Variants in CTNNA2 observed in about 807,000 individuals in gnomAD.
CTNNA2 encodes catenin alpha-2.
In CTNNA2, 42 loss-of-function variants were observed where a neutral mutation model predicts 101.0. The ratio of observed to expected loss-of-function variants is 0.42; its 90% CI spans 0.32 to 0.54. CTNNA2 has a LOEUF of 0.54. Ranked by LOEUF, CTNNA2 falls within the 20% of genes least tolerant of loss-of-function variation. The probability of loss-of-function intolerance (pLI) is 0.14; values close to 1 mark genes in which losing one functional copy is unlikely to be tolerated. For synonymous variants in CTNNA2, 450 were observed against 456.4 expected (o/e 0.99, Z 0.18); for missense variants, 871 against 1,223.1 (o/e 0.71, Z 4.29).
chr2:79,573,055 C>T (rs1178692094), intron 1 of CTNNA2, among the ~76,000 whole-genome samples: 3 of 152,092 alleles, frequency 2.0e-5, no homozygotes, highest in Admixed American at 6.5e-5. Flanking sequence ...TACGGCATTT[C>T]CTTGCCTTTT....
intron 18 of CTNNA2, among the ~76,000 whole-genome samples, chr2:80,638,302 G>A: frequency 6.9e-6 from 1 of 143,986 alleles, no homozygotes; most frequent in South Asian, 2.3e-4. Flanking sequence ...AGGACTGTCT[G>A]CCCAAGAATA....
chr2:80,086,372 G>T (rs1461063931), intron 7 of CTNNA2, among the ~76,000 whole-genome samples: 1 of 152,030 alleles, frequency 6.6e-6, no homozygotes, highest in East Asian at 1.9e-4. Flanking sequence ...CTGATTTAAA[G>T]TGTTGAAAAA....
At chr2:80,017,629 AT>A (rs1378947368) in intron 7 of CTNNA2, among the ~76,000 whole-genome samples, 1 of 151,942 alleles carries the variant, frequency 6.6e-6, no homozygotes, top group Non-Finnish European at 1.5e-5. Flanking sequence ...AAGGGTTGGG[AT>A]TTATAAGTCT....
chr2:80,506,625 T>A (rs1688299699), intron 9 of CTNNA2, among the ~76,000 whole-genome samples: 1 of 152,058 alleles, frequency 6.6e-6, no homozygotes, highest in Non-Finnish European at 1.5e-5. Flanking sequence ...TTCAGGTGGG[T>A]TCTTATTAGA....
At position 79,909,599 on chromosome 2, in the gene CTNNA2, G is replaced by C; in HGVS notation, c.858G>C (p.Lys286Asn). 1.2e-6 allele frequency: 2 copies of C among 1,605,822 alleles called. No individual in the cohort carries two copies. Among genetic ancestry groups the C allele is most frequent in the Non-Finnish European group, 1.7e-6 (2 of 1,173,884 alleles). The change falls in exon 7 of 19, where the codon AAG becomes AAC. Residue 286 changes from lysine to asparagine, a missense_variant. This residue lies in a region of CTNNA2 where 647 missense variants were observed against 831.5 expected (regional missense o/e 0.78). Transcript: ENST00000402739. ...LAAALNEFDNKIILDPMTFSE... is the reference protein window; with the variant it reads ...LAAALNEFDNNIILDPMTFSE... ...TGTGTGTGTGATACTTTCAGAATAA[G>C]ATTATCCTGGACCCCATGACGTTCA...
intron 2 of CTNNA2, among the ~76,000 whole-genome samples, chr2:79,278,822 GGGTAAA>G (rs1179741518): frequency 6.6e-6 from 1 of 152,084 alleles, no homozygotes; most frequent in Non-Finnish European, 1.5e-5. Context: ...GAAAAGAAGA[GGGTAAA>G]GAGGGCCAGG....
intron 7 of CTNNA2, among the ~76,000 whole-genome samples, chr2:80,236,071 CTGTT>C (rs2149083365): frequency 6.6e-6 from 1 of 152,272 alleles, no homozygotes; most frequent in East Asian, 1.9e-4. Context: ...ATTTGGTTTT[CTGTT>C]CCTGCATTAG....
chr2:80,171,008 T>A (rs1036138717), intron 7 of CTNNA2, among the ~76,000 whole-genome samples: 1 of 152,190 alleles, frequency 6.6e-6, no homozygotes, highest in African/African-American at 2.4e-5. Flanking sequence ...GCTCTCAATA[T>A]AAGTTGTTGA....
chr2:80,133,551 T>C (rs896241476), intron 7 of CTNNA2, among the ~76,000 whole-genome samples: 7 of 152,074 alleles, frequency 4.6e-5, no homozygotes, highest in African/African-American at 1.2e-4. Context: ...AATGTGCAAA[T>C]GGAAGCAAAA....
chr2:80,010,641 A>G (rs1444264871), intron 7 of CTNNA2, among the ~76,000 whole-genome samples: 3 of 152,034 alleles, frequency 2.0e-5, no homozygotes, highest in African/African-American at 4.8e-5. Flanking sequence ...ATTCCTAAAG[A>G]TTTTGAAATT....
intron 8 of CTNNA2, among the ~76,000 whole-genome samples, chr2:80,401,315 C>T (rs1176579405): frequency 6.6e-6 from 1 of 152,262 alleles, no homozygotes; most frequent in African/African-American, 2.4e-5. Context: ...ATCAACTTGC[C>T]TCCATTCTAA....
At chr2:79,987,518 A>G (rs1485082544) in intron 7 of CTNNA2, among the ~76,000 whole-genome samples, 2 of 152,220 alleles carry the variant, frequency 1.3e-5, no homozygotes, top group Non-Finnish European at 1.5e-5. Context: ...AGCTCATAAC[A>G]TGGCTGTGAG....
At chr2:79,646,108 C>T (rs1680794877) in intron 1 of CTNNA2, among the ~76,000 whole-genome samples, 1 of 152,118 alleles carries the variant, frequency 6.6e-6, no homozygotes. Flanking sequence ...TGCTATAGAA[C>T]AGTAGAAAGA....
intron 2 of CTNNA2, among the ~76,000 whole-genome samples, chr2:79,294,768 T>C (rs1675934529): frequency 6.6e-6 from 1 of 152,158 alleles, no homozygotes; most frequent in Non-Finnish European, 1.5e-5. Flanking sequence ...TCCATTTCAC[T>C]AAAGGTAAGA....
At position 80,272,845 on chromosome 2, in the gene CTNNA2, T is replaced by C. The variant is rs114599523; in HGVS notation, c.1057-120366T>C. On this transcript the variant is annotated intron_variant, in intron 7 of 18. Transcript: ENST00000402739. ...CTAGCAACCCAAGCTGCGAGACAAC[T>C]ATTTTGCCAAGATATTTGCTTGAAA... is the stretch of plus-strand genomic sequence containing the variant. Among the ~76,000 whole-genome samples, 517 of 152,348 alleles carry C rather than the reference T, an allele frequency of 3.4e-3. 3 individuals are homozygous for C. The highest frequency in any genetic ancestry group is 0.012 in the African/African-American group (490 of 41,582).
At chr2:79,495,358 C>A (rs140176999) in intron 4 of CTNNA2, among the ~76,000 whole-genome samples, 1 of 151,944 alleles carries the variant, frequency 6.6e-6, no homozygotes, top group Non-Finnish European at 1.5e-5. Context: ...GGCAAATAAG[C>A]ACACATGAAA....
intron 2 of CTNNA2, among the ~76,000 whole-genome samples, chr2:79,660,770 T>C (rs756781476): frequency 4.6e-5 from 7 of 152,150 alleles, no homozygotes; most frequent in Non-Finnish European, 1.0e-4. Flanking sequence ...CTTTCTGTTA[T>C]ATGGCCAGCT....
chr2:79,531,722 C>A (rs971642988), intron 1 of CTNNA2, among the ~76,000 whole-genome samples: 2 of 150,772 alleles, frequency 1.3e-5, no homozygotes, highest in African/African-American at 4.9e-5. Context: ...CACTCTGTTG[C>A]CCAGGCTGGA....
At chr2:79,646,386 G>T (rs1680815699) in intron 1 of CTNNA2, among the ~76,000 whole-genome samples, 1 of 152,084 alleles carries the variant, frequency 6.6e-6, no homozygotes, top group African/African-American at 2.4e-5. Flanking sequence ...TCTATCATGA[G>T]TGACAAATAG....
Sources: allele counts gnomAD v4.1 joint callset (sites outside exome capture counted in the v4.1 genomes callset), GRCh38; gene constraint gnomAD v4.1.1; regional missense constraint gnomAD v4.1.1; transcripts MANE v1.5; gene names NCBI Gene and HGNC (gene_info 2026-07-23, HGNC 2026-07-21).